Variants in BTRC observed in about 807,000 individuals in gnomAD.
The protein encoded by BTRC is F-box/WD repeat-containing protein 1A.
Under a neutral mutation model 85.5 loss-of-function variants are expected in BTRC, and 42 were observed. That is an observed-to-expected ratio of 0.49 (90% CI 0.38 to 0.64). The LOEUF (loss-of-function observed/expected upper bound fraction) is 0.64. Among genes scored for constraint, BTRC ranks in the 30% least tolerant of loss-of-function variants. BTRC has a pLI of 0.00. For synonymous variants in BTRC, 255 were observed against 263.3 expected (o/e 0.97, Z 0.30); for missense variants, 594 against 743.5 (o/e 0.80, Z 2.34).
At chr10:101,385,832 T>G (rs190051315) in intron 1 of BTRC, among the ~76,000 whole-genome samples, 1 of 151,646 alleles carries the variant, frequency 6.6e-6, no homozygotes, top group African/African-American at 2.4e-5. Context: ...CTAGCTTGTT[T>G]TTTTTTTGAT....
intron 1 of BTRC, among the ~76,000 whole-genome samples, chr10:101,372,131 A>G (rs1341969565): frequency 6.6e-6 from 1 of 151,910 alleles, no homozygotes; most frequent in East Asian, 1.9e-4. Context: ...CCAATACCAC[A>G]CTGTCTTAAT....
intron 2 of BTRC, among the ~76,000 whole-genome samples, chr10:101,434,419 C>T (rs546533593): frequency 1.3e-5 from 2 of 152,052 alleles, no homozygotes; most frequent in East Asian, 1.9e-4. Flanking sequence ...TTATACTGCA[C>T]TATATACATA....
intron 13 of BTRC, among the ~76,000 whole-genome samples, chr10:101,547,374 G>A (rs567035208): frequency 1.1e-5 from 1 of 89,520 alleles, no homozygotes; most frequent in South Asian, 4.1e-4. Context: ...TCTCACTCTT[G>A]TTACCCAGGC....
intron 3 of BTRC, among the ~76,000 whole-genome samples, chr10:101,475,285 A>G (rs1273014654): frequency 6.6e-6 from 1 of 152,370 alleles, no homozygotes. Flanking sequence ...CACGCCTGCA[A>G]TCCCAGCACT....
intron 14 of BTRC, 128 bp from the exon 15 acceptor site, chr10:101,553,027 A>G (rs1170096449): frequency 6.6e-6 from 1 of 152,340 alleles, no homozygotes; most frequent in Non-Finnish European, 1.5e-5. Flanking sequence ...GCATAGGCAG[A>G]GAGCAGGCAT....
At chr10:101,536,393 T>C (rs546649348) in intron 11 of BTRC, 150 bp from the exon 12 acceptor site, 4 of 511,928 alleles carry the variant, frequency 7.8e-6, no homozygotes, top group Non-Finnish European at 1.4e-5. Flanking sequence ...AGAAAGGAAA[T>C]AAATTACATT....
intron 1 of BTRC, among the ~76,000 whole-genome samples, chr10:101,399,216 A>G (rs900060523): frequency 1.3e-5 from 2 of 151,984 alleles, no homozygotes; most frequent in African/African-American, 2.4e-5. Context: ...CGGCCTCCCA[A>G]AGTGCTGGGA....
chr10:101,519,678 G>T (rs1381144869), intron 4 of BTRC, among the ~76,000 whole-genome samples: 1 of 152,156 alleles, frequency 6.6e-6, no homozygotes, highest in African/African-American at 2.4e-5. Flanking sequence ...CTCAGAGAAG[G>T]TATGTGTACA....
At chr10:101,387,843 C>G (rs997244023) in intron 1 of BTRC, among the ~76,000 whole-genome samples, 1 of 151,990 alleles carries the variant, frequency 6.6e-6, no homozygotes, top group Non-Finnish European at 1.5e-5. Context: ...GTGTGTGCCA[C>G]CATGCCCAGC....
At chr10:101,419,087 T>C (rs868221767) in intron 1 of BTRC, among the ~76,000 whole-genome samples, 4 of 151,842 alleles carry the variant, frequency 2.6e-5, no homozygotes, top group African/African-American at 4.8e-5. Context: ...CTTGGCTCAC[T>C]GCAACCTCTG....
intron 4 of BTRC, among the ~76,000 whole-genome samples, chr10:101,502,636 A>G (rs747637891): frequency 4.6e-5 from 7 of 152,330 alleles, no homozygotes; most frequent in South Asian, 4.1e-4. Context: ...TAGTGATAGT[A>G]GCATCCTTCT....
At chr10:101,427,267 A>G (rs559055190) in intron 1 of BTRC, among the ~76,000 whole-genome samples, 3 of 151,202 alleles carry the variant, frequency 2.0e-5, no homozygotes, top group African/African-American at 7.3e-5. Flanking sequence ...ATAGGCGTGC[A>G]CCACCATACC....
chr10:101,482,656 A>G (rs1945870578), intron 4 of BTRC, among the ~76,000 whole-genome samples: 1 of 151,868 alleles, frequency 6.6e-6, no homozygotes, highest in African/African-American at 2.4e-5. Flanking sequence ...CAGCCTCCCA[A>G]AGCAATGGGA....
intron 3 of BTRC, among the ~76,000 whole-genome samples, chr10:101,470,100 A>G (rs1945480641): frequency 6.6e-6 from 1 of 152,100 alleles, no homozygotes; most frequent in African/African-American, 2.4e-5. Context: ...TTATTCAGAC[A>G]TTTTCTTTGT....
intron 1 of BTRC, among the ~76,000 whole-genome samples, chr10:101,360,119 A>G (rs935314471): frequency 6.6e-6 from 1 of 152,014 alleles, no homozygotes; most frequent in Admixed American, 6.6e-5. Flanking sequence ...CAGTGGTGCA[A>G]CCTTGGCTCA....
intron 3 of BTRC, among the ~76,000 whole-genome samples, chr10:101,478,300 C>CAAAAAA (rs542191555): frequency 7.9e-6 from 1 of 126,456 alleles, no homozygotes. Context: ...GACTCCATCT[C>CAAAAAA]AAAAAAAAAA....
intron 1 of BTRC, among the ~76,000 whole-genome samples, chr10:101,392,179 C>T (rs1455065092): frequency 6.6e-6 from 1 of 152,182 alleles, no homozygotes; most frequent in African/African-American, 2.4e-5. Context: ...TGGGTTTCAC[C>T]ATGTTGGTCA....
chr10:101,511,713 G>T (rs2134332221), intron 4 of BTRC, among the ~76,000 whole-genome samples: 1 of 152,276 alleles, frequency 6.6e-6, no homozygotes, highest in African/African-American at 2.4e-5. Context: ...ATAGAGACAG[G>T]ATTTCGCTAT....
At chr10:101,530,645 T>C (rs149162617) in intron 6 of BTRC, among the ~76,000 whole-genome samples, 5 of 152,348 alleles carry the variant, frequency 3.3e-5, no homozygotes, top group African/African-American at 7.2e-5. Context: ...TCCATTTGTT[T>C]ACTGATATTA....
Sources: allele counts gnomAD v4.1 joint callset (sites outside exome capture counted in the v4.1 genomes callset), GRCh38; gene constraint gnomAD v4.1.1; transcripts MANE v1.5; gene names NCBI Gene and HGNC (gene_info 2026-07-23, HGNC 2026-07-21).